Variants in TAB2 observed in about 807,000 individuals in gnomAD.
The protein encoded by TAB2 is TGF-beta activated kinase 1 (MAP3K7) binding protein 2, also known as TGF-beta-activated kinase 1 and MAP3K7-binding protein 2.
In TAB2, 3 loss-of-function variants were observed where a neutral mutation model predicts 65.0. The ratio of observed to expected loss-of-function variants is 0.05; its 90% CI spans 0.02 to 0.12. TAB2 has a LOEUF of 0.12. TAB2 is among the 10% of genes least tolerant of loss of function. The pLI, the probability that TAB2 is intolerant of heterozygous loss-of-function variation, is 1.00. For missense variants in TAB2, 623 were observed against 840.3 expected, an observed-to-expected ratio of 0.74 and a Z score of 3.20; for synonymous variants, 298 against 285.1, an observed-to-expected ratio of 1.05 and a Z score of -0.46.
Position 149,410,827 on chromosome 6 carries a change from A to G in TAB2, c.*1108A>G, listed in dbSNP as rs1583170369. 6.6e-6 allele frequency: 1 copy of G among 152,608 alleles called. No individual in the cohort carries two copies. Among genetic ancestry groups the G allele is most frequent in the East Asian group, 1.9e-4 (1 of 5,188 alleles). 9.5% of individuals were successfully genotyped at this position (152,608 alleles called of 1,614,324 possible). A position where few individuals can be genotyped will look rare whatever the true frequency, so the allele number is the denominator to read the frequency against. On this transcript the variant is annotated 3_prime_UTR_variant, in exon 7 of 7. Transcript: ENST00000637181. ...CTTGGTGTCCCACAGAACTTGCACAAGCAGTTGTTATTGGGAAAGTACAGT... is the reference window on the plus strand; with the variant it reads ...CTTGGTGTCCCACAGAACTTGCACAGGCAGTTGTTATTGGGAAAGTACAGT...
intron 1 of TAB2, among the ~76,000 whole-genome samples, chr6:149,288,855 T>TTTTTA (rs1491488182): frequency 3.0e-5 from 1 of 33,252 alleles, no homozygotes; most frequent in Non-Finnish European, 4.7e-5. Flanking sequence ...TAATTTTTAA[T>TTTTTA]TTTTTTTTTT....
chr6:149,355,665 C>T (rs1583117326), intron 1 of TAB2, among the ~76,000 whole-genome samples: 1 of 102,684 alleles, frequency 9.7e-6, no homozygotes, highest in African/African-American at 5.1e-5. Flanking sequence ...AAAACTCCAT[C>T]TCAAAAAAAA....
rs538641199 is a variant in TAB2, at chr6:149,338,369, T to C, written c.-90+20354T>C. On this transcript the variant is annotated intron_variant, in intron 1 of 6. Transcript: ENST00000637181. ...TGGACTGTATTGACTGTAATAACCA[T>C]TGAGGAGAGTCTTAGAAGTTGTATT... Among the ~76,000 whole-genome samples the C allele has an allele frequency of 9.2e-5, 14 of 152,252 alleles. No individual in the cohort carries two copies. In the South Asian group the frequency reaches 2.7e-3, roughly 29 times the overall value.
chr6:149,259,004 A>G (rs1778098307), intron 1 of TAB2, among the ~76,000 whole-genome samples: 1 of 152,222 alleles, frequency 6.6e-6, no homozygotes, highest in South Asian at 2.1e-4. Flanking sequence ...GGTCACCTCT[A>G]GACGCTAGAA....
chr6:149,378,152 C>A lies in TAB2; in HGVS notation c.237C>A (p.Asn79Lys). Residue 79 changes from asparagine to lysine, a missense_variant, in exon 3 of 7, where the codon AAC becomes AAA. Asn to Lys is a moderately conservative substitution (Grantham distance 94). Coordinates refer to ENST00000637181, the MANE Select transcript of TAB2 (RefSeq NM_001292034.3). ...TACGCAATCACATGACTTCTCTCAACTTGGACTTGCAATCACAGAACATTT... is the reference window on the plus strand; with the variant it reads ...TACGCAATCACATGACTTCTCTCAAATTGGACTTGCAATCACAGAACATTT... The part of the protein sequence containing the change: ...SGLRNHMTSL[N>K]LDLQSQNIYH... 9 of 1,614,208 alleles carry A rather than the reference C, an allele frequency of 5.6e-6. No individual in the cohort carries two copies. Among genetic ancestry groups the A allele is most frequent in the Non-Finnish European group, 7.6e-6 (9 of 1,180,042 alleles).
rs1782792546 is a variant in TAB2 at position 149,409,949 on chromosome 6, C to T, written c.*230C>T. The T allele has an allele frequency of 5.1e-6, 3 of 587,552 alleles. No homozygotes were observed. 36.4% of individuals were successfully genotyped at this position (587,552 alleles called of 1,614,324 possible). A position where few individuals can be genotyped will look rare whatever the true frequency, so the allele number is the denominator to read the frequency against. On this transcript the variant is annotated 3_prime_UTR_variant, in exon 7 of 7. Transcript: ENST00000637181. ...AGTAATCTGCTGAAAGACTTGGTTG[C>T]CCACTGCCTAACTGTGTACAGTGTT...
At chr6:149,243,756 AAGG>A (rs965652512) in intron 1 of TAB2, 6 of 152,344 alleles carry the variant, frequency 3.9e-5, no homozygotes, top group African/African-American at 1.4e-4. Flanking sequence ...CATCAAAGGG[AAGG>A]AGTTGATGAA....
intron 3 of TAB2, among the ~76,000 whole-genome samples, chr6:149,393,556 A>T (rs1583154869): frequency 6.6e-6 from 1 of 152,174 alleles, no homozygotes; most frequent in South Asian, 2.1e-4. Context: ...GCCTGCTGTT[A>T]AAGTCTGTCT....
intron 6 of TAB2, chr6:149,400,514 T>C: frequency 6.2e-7 from 1 of 1,614,216 alleles, no homozygotes; most frequent in Non-Finnish European, 8.5e-7. Context: ...CACCACTTAG[T>C]AAACTAATGA....
rs1156300563 is a variant in TAB2 at position 149,275,222 on chromosome 6, G to T, written c.-121+56446G>T. The stretch of plus-strand genomic sequence containing the variant: ...CCTTGAACTCCCTTGGGCGGGGGAG[G>T]GGGGAGAGAGAGAGAAAGAAAGAAA... On this transcript the variant is annotated intron_variant, in intron 1 of 1. Coordinates refer to the TAB2 transcript ENST00000606202. Among the ~76,000 whole-genome samples the T allele has an allele frequency of 1.5e-4, 16 of 110,230 alleles. 1 individual carries two copies. The highest frequency in any genetic ancestry group is 5.5e-4 in the African/African-American group (13 of 23,430). The allele number at this position is 110,230 out of a possible 152,430, so 72.3% of individuals were successfully genotyped here.
chr6:149,302,875 A>G (rs1255300518), intron 1 of TAB2, among the ~76,000 whole-genome samples: 1 of 152,232 alleles, frequency 6.6e-6, no homozygotes, highest in African/African-American at 2.4e-5. Flanking sequence ...CACAGCAGGA[A>G]GTGAGCAGCA....
At chr6:149,326,598 A>G (rs1779627890) in intron 1 of TAB2, among the ~76,000 whole-genome samples, 1 of 151,320 alleles carries the variant, frequency 6.6e-6, no homozygotes, top group African/African-American at 2.4e-5. Context: ...TCCAGGCTAG[A>G]GTGCAATGTT....
At chr6:149,230,770 A>G (rs1777388308) in intron 1 of TAB2, among the ~76,000 whole-genome samples, 1 of 152,234 alleles carries the variant, frequency 6.6e-6, no homozygotes, top group African/African-American at 2.4e-5. Flanking sequence ...GCTGTCATGA[A>G]CTAGAAGGTC....
chr6:149,309,917 T>G (rs2114711088), intron 1 of TAB2, among the ~76,000 whole-genome samples: 1 of 152,172 alleles, frequency 6.6e-6, no homozygotes, highest in East Asian at 1.9e-4. Context: ...TTCCTTTCTT[T>G]ACAGCAATCA....
At chr6:149,367,807 T>C (rs1474889334) in intron 1 of TAB2, among the ~76,000 whole-genome samples, 1 of 152,074 alleles carries the variant, frequency 6.6e-6, no homozygotes, top group Non-Finnish European at 1.5e-5. Context: ...ACCAACTGGA[T>C]GAATGGTGGT....
intron 1 of TAB2, among the ~76,000 whole-genome samples, chr6:149,305,194 A>G (rs1477824686): frequency 1.3e-5 from 2 of 152,162 alleles, no homozygotes; most frequent in Non-Finnish European, 2.9e-5. Flanking sequence ...TCACTCAGAA[A>G]ATGTTTTAAA....
chr6:149,223,653 G>A (rs539038755), intron 1 of TAB2, among the ~76,000 whole-genome samples: 10 of 152,248 alleles, frequency 6.6e-5, no homozygotes, highest in South Asian at 2.1e-4. Context: ...TGCCCCTACC[G>A]TTTTAGAGAG....
chr6:149,345,738 CAA>C lies in TAB2; in HGVS notation c.-89-24168_-89-24167del, dbSNP rs550323915. ...CTATTTTCAGCATCATAGGAAAGGA[CAA>C]AACATTTTTTAAAAGCTTTTTAATA... is the stretch of plus-strand genomic sequence containing the variant. On this transcript the variant is annotated intron_variant, in intron 1 of 6. Coordinates refer to ENST00000637181, the MANE Select transcript of TAB2 (RefSeq NM_001292034.3). 2.4e-3 allele frequency among the ~76,000 whole-genome samples: 368 copies of C among 152,104 alleles called. 1 individual carries two copies. The highest frequency in any genetic ancestry group is 6.5e-3 in the African/African-American group (270 of 41,512).
intron 1 of TAB2, among the ~76,000 whole-genome samples, chr6:149,257,138 C>G (rs927328432): frequency 6.6e-6 from 1 of 152,224 alleles, no homozygotes; most frequent in African/African-American, 2.4e-5. Context: ...AAGATTGAAT[C>G]TTCCTTTCAA....
Sources: gnomAD v4.1 joint callset for allele counts (sites outside exome capture counted in the v4.1 genomes callset) on GRCh38, gnomAD v4.1.1 for gene constraint, MANE v1.5 for transcripts, NCBI Gene and HGNC (gene_info 2026-07-23, HGNC 2026-07-21) for gene names.